Variants in TSHZ3 observed in about 807,000 individuals in gnomAD.
TSHZ3 encodes teashirt homolog 3.
In TSHZ3, 10 loss-of-function variants were observed where a neutral mutation model predicts 64.5. The observed-to-expected ratio is 0.16, with a 90% CI of 0.10 to 0.26. The LOEUF is 0.26. Ranked by LOEUF, TSHZ3 falls within the 10% of genes least tolerant of loss-of-function variation. The pLI, the probability that TSHZ3 is intolerant of heterozygous loss-of-function variation, is 1.00. For missense variants in TSHZ3, 1,242 were observed against 1,421.7 expected (o/e 0.87, Z 2.03); for synonymous variants, 608 against 593.1 (o/e 1.03, Z -0.36).
chr19:31,263,110 T>C (rs1449312483), intron 1 of TSHZ3, among the ~76,000 whole-genome samples: 1 of 152,054 alleles, frequency 6.6e-6, no homozygotes, highest in African/African-American at 2.4e-5. Context: ...TGAAGGGTGG[T>C]GTGGGTCTCT....
chr19:31,183,773 C>T (rs562704086), intron 5 of TSHZ3, among the ~76,000 whole-genome samples: 27 of 152,216 alleles, frequency 1.8e-4, no homozygotes, highest in African/African-American at 5.8e-4. Context: ...CATTTTGCTT[C>T]TTCATCCCCC....
intron 4 of TSHZ3, among the ~76,000 whole-genome samples, chr19:31,208,290 G>A (rs1308178723): frequency 6.6e-6 from 1 of 152,150 alleles, no homozygotes; most frequent in Non-Finnish European, 1.5e-5. Context: ...AAAGTAATGA[G>A]GTCTCTTTGG....
At position 31,349,385 on chromosome 19, in the gene TSHZ3, T is replaced by TC. The variant is rs1174629764; in HGVS notation, c.-167dup. The TC allele has an allele frequency of 2.7e-5, 13 of 484,256 alleles. No homozygotes were observed. The highest frequency in any genetic ancestry group is 1.7e-4 in the African/African-American group (8 of 46,584). The allele number at this position is 484,256 out of a possible 1,614,324, so 30.0% of individuals were successfully genotyped here. A position where few individuals can be genotyped will look rare whatever the true frequency, so the allele number is the denominator to read the frequency against. Reference sequence around the variant, plus strand: ...TGCTGCTGCGCCCAGGCTCTCCGCGTCCCCCCCGCGCCGCGCTCCGCCGCG... The same window carrying TC: ...TGCTGCTGCGCCCAGGCTCTCCGCGTCCCCCCCCGCGCCGCGCTCCGCCGCG... On this transcript the variant is annotated 5_prime_UTR_variant, in exon 1 of 2. Coordinates refer to ENST00000240587, the MANE Select transcript of TSHZ3 (RefSeq NM_020856.4).
In TSHZ3 at chr19:31,349,193, G is replaced by A. The variant is rs2021618788; in HGVS notation, c.27C>T (p.Pro9=). The A allele has an allele frequency of 1.9e-6, 3 of 1,542,704 alleles. No homozygotes were observed. The highest frequency in any genetic ancestry group is 1.7e-6 in the Non-Finnish European group (2 of 1,144,696). The change falls in exon 1 of 2, where the codon CCC becomes CCT. Residue 9 remains proline, a synonymous_variant. Coordinates refer to ENST00000240587, the MANE Select transcript of TSHZ3 (RefSeq NM_020856.4). MPRRKQQA[P]RRAAAYVSEE... is the part of the protein sequence containing the mutation. ...AGCGGCTCGTACCTGCTGCGCGCCG[G>A]GGCGCCTGCTGCTTCCTCCTCGGCA...
chr19:31,197,600 T>A (rs956293753), intron 5 of TSHZ3, among the ~76,000 whole-genome samples: 8 of 151,828 alleles, frequency 5.3e-5, no homozygotes, highest in African/African-American at 1.9e-4. Context: ...CACAAATTAC[T>A]AATATTAGAA....
chr19:31,199,899 T>A (rs574299288), intron 5 of TSHZ3, among the ~76,000 whole-genome samples: 2 of 146,592 alleles, frequency 1.4e-5, no homozygotes, highest in South Asian at 2.2e-4. Context: ...CTGAAAAAAA[T>A]GCGCCAAAGA....
At chr19:31,349,532 C>T (rs2145208921), upstream of TSHZ3, 1 of 324,972 alleles carries the variant, frequency 3.1e-6, no homozygotes, top group Non-Finnish European at 5.5e-6. Flanking sequence ...GACCGCGCTG[C>T]CGGCGGAATG....
intron 5 of TSHZ3, among the ~76,000 whole-genome samples, chr19:31,172,938 G>A (rs891695501): frequency 1.3e-4 from 20 of 152,226 alleles, no homozygotes; most frequent in Admixed American, 2.0e-4. Context: ...AGTGGCAGGA[G>A]TTGGGAAAAA....
intron 1 of TSHZ3, among the ~76,000 whole-genome samples, chr19:31,245,775 G>A (rs1975751401): frequency 1.3e-5 from 2 of 152,196 alleles, no homozygotes; most frequent in African/African-American, 4.8e-5. Flanking sequence ...AGTGGTAGGG[G>A]CTGTTACAAC....
At chr19:31,299,579 A>T (rs1045990183) in intron 1 of TSHZ3, among the ~76,000 whole-genome samples, 1 of 152,158 alleles carries the variant, frequency 6.6e-6, no homozygotes, top group African/African-American at 2.4e-5. Context: ...ACACCCTGTG[A>T]CAAGGTTATG....
upstream of TSHZ3, among the ~76,000 whole-genome samples, chr19:31,349,846 G>A (rs918593024): frequency 3.4e-5 from 5 of 148,276 alleles, no homozygotes; most frequent in African/African-American, 1.2e-4. Flanking sequence ...TCGGCAACAG[G>A]CAAGCTTAAA....
chr19:31,340,579 G>A (rs1264292759), intron 1 of TSHZ3, among the ~76,000 whole-genome samples: 2 of 152,256 alleles, frequency 1.3e-5, no homozygotes, highest in East Asian at 3.9e-4. Context: ...AAGCCTTGGC[G>A]GTGAGGAGAG....
intron 5 of TSHZ3, among the ~76,000 whole-genome samples, chr19:31,202,082 C>T (rs1207254666): frequency 6.6e-6 from 1 of 152,068 alleles, no homozygotes; most frequent in Non-Finnish European, 1.5e-5. Context: ...AGGAGAATCG[C>T]TTGAATTCTG....
chr19:31,171,867 G>C (rs921544205), intron 5 of TSHZ3, among the ~76,000 whole-genome samples: 4 of 152,250 alleles, frequency 2.6e-5, no homozygotes, highest in East Asian at 1.9e-4. Context: ...TCAGAGGCCA[G>C]AGTTCCCTGC....
chr19:31,336,460 G>A (rs570170552), intron 1 of TSHZ3, among the ~76,000 whole-genome samples: 58 of 152,276 alleles, frequency 3.8e-4, no homozygotes, highest in Non-Finnish European at 5.4e-4. Context: ...CCTTGAGCAT[G>A]TTCCAGTTAG....
rs761569804 is a variant in TSHZ3, at chr19:31,276,574, C to T, written c.3219G>A (p.Leu1073=). 2 of 1,575,718 alleles carry T rather than the reference C, an allele frequency of 1.3e-6. No homozygotes were observed. Among genetic ancestry groups the T allele is most frequent in the Non-Finnish European group, 1.7e-6 (2 of 1,156,616 alleles). The change falls in exon 2 of 2, where the codon CTG becomes CTA. Residue 1073 remains leucine, a synonymous_variant. Transcript: ENST00000240587. ...ACTGCTTCTCTAACTCAGAGACATA[C>T]AGAAGGTGGTCTTCCGGAGATTTCC... ...THGKSPEDHL[L]YVSELEKQ
At chr19:31,206,646 T>TA (rs112868091) in intron 4 of TSHZ3, among the ~76,000 whole-genome samples, 1,722 of 151,598 alleles carry the variant, frequency 0.011, 25 homozygotes, top group African/African-American at 0.039. Flanking sequence ...AGTTATTCTT[T>TA]AAAAAAAAAC....
intron 1 of TSHZ3, among the ~76,000 whole-genome samples, chr19:31,342,561 C>G (rs2145198998): frequency 6.6e-6 from 1 of 152,218 alleles, no homozygotes; most frequent in East Asian, 1.9e-4. Flanking sequence ...ATTCAAAACC[C>G]ATTTACATTA....
chr19:31,293,462 G>C (rs1976609589), intron 1 of TSHZ3, among the ~76,000 whole-genome samples: 2 of 152,136 alleles, frequency 1.3e-5, no homozygotes. Flanking sequence ...ACTTTCCTTT[G>C]ATCTTGCCTT....
Sources: allele counts gnomAD v4.1 joint callset (sites outside exome capture counted in the v4.1 genomes callset), GRCh38; gene constraint gnomAD v4.1.1; transcripts MANE v1.5; gene names NCBI Gene and HGNC (gene_info 2026-07-23, HGNC 2026-07-21).